The following ZNF423 variants were observed in gnomAD, a reference collection of about 807,000 sequenced individuals.
ZNF423 encodes the protein zinc finger protein 423, also known as Ebf-associated zinc finger protein.
ZNF423 carries 12 observed loss-of-function variants against 95.8 expected under a neutral mutation model. The ratio of observed to expected loss-of-function variants is 0.13; its 90% CI spans 0.08 to 0.20. The LOEUF (loss-of-function observed/expected upper bound fraction) is 0.20. ZNF423 is among the 10% of genes least tolerant of loss of function. The probability of loss-of-function intolerance (pLI) is 1.00; values close to 1 mark genes in which losing one functional copy is unlikely to be tolerated. For missense variants in ZNF423, 1,316 were observed against 1,737.1 expected, an observed-to-expected ratio of 0.76 and a Z score of 4.31; for synonymous variants, 749 against 711.9, an observed-to-expected ratio of 1.05 and a Z score of -0.83.
chr16:49,679,240 G>A (rs775088517), intron 3 of ZNF423, among the ~76,000 whole-genome samples: 5 of 152,286 alleles, frequency 3.3e-5, no homozygotes, highest in Admixed American at 2.6e-4. Context: ...GATGCCAGCT[G>A]CAGTTGGGGA....
At chr16:49,757,746 G>A (rs2033753565) in intron 2 of ZNF423, among the ~76,000 whole-genome samples, 6 of 152,098 alleles carry the variant, frequency 3.9e-5, no homozygotes, top group African/African-American at 7.2e-5. Context: ...AACACCCCAC[G>A]TGCCCTGGAC....
At chr16:49,534,277 C>T (rs1053076052) in intron 5 of ZNF423, among the ~76,000 whole-genome samples, 10 of 150,140 alleles carry the variant, frequency 6.7e-5, no homozygotes, top group African/African-American at 2.2e-4. Context: ...CTTTTGAGAC[C>T]GAGTTTCACT....
At chr16:49,649,660 CACACACA>C (rs374935138) in intron 3 of ZNF423, among the ~76,000 whole-genome samples, 31,244 of 132,580 alleles carry the variant, frequency 0.24, 3,318 homozygotes, top group Admixed American at 0.27. Context: ...CACACACACA[CACACACA>C]CAGGGAGAGA....
At chr16:49,558,192 G>A (rs949346302) in intron 5 of ZNF423, among the ~76,000 whole-genome samples, 3 of 152,194 alleles carry the variant, frequency 2.0e-5, no homozygotes, top group African/African-American at 7.2e-5. Flanking sequence ...AGCTTGTGGG[G>A]CCCCAGACCC....
At position 49,491,159 on chromosome 16, in the gene ZNF423, T is replaced by C; in HGVS notation, c.*116A>G. 1 of 1,254,504 alleles carries C rather than the reference T, an allele frequency of 8.0e-7. No homozygotes were observed. The highest frequency in any genetic ancestry group is 1.2e-6 in the Non-Finnish European group (1 of 855,930). 77.7% of individuals were successfully genotyped at this position (1,254,504 alleles called of 1,614,324 possible). A position where few individuals can be genotyped will look rare whatever the true frequency, so the allele number is the denominator to read the frequency against. On this transcript the variant is annotated 3_prime_UTR_variant, in exon 8 of 8. Transcript: ENST00000563137. ...TAGCAGCGCCTCATGGCCAAATCAT[T>C]AGAGTTTTACATCTGGGTTGCAAAT...
At chr16:49,545,253 A>G (rs1392489782) in intron 5 of ZNF423, among the ~76,000 whole-genome samples, 2 of 152,238 alleles carry the variant, frequency 1.3e-5, no homozygotes, top group Non-Finnish European at 2.9e-5. Context: ...GCTTCTAAGT[A>G]TCAAGTTGAA....
chr16:49,573,806 C>G (rs1970417713), intron 5 of ZNF423, among the ~76,000 whole-genome samples: 1 of 152,196 alleles, frequency 6.6e-6, no homozygotes, highest in Non-Finnish European at 1.5e-5. Context: ...CAGCTGATTA[C>G]CAATTCCAGT....
chr16:49,697,155 G>A (rs185388645), intron 3 of ZNF423, among the ~76,000 whole-genome samples: 2 of 152,270 alleles, frequency 1.3e-5, no homozygotes, highest in African/African-American at 4.8e-5. Context: ...CCTCACCAAG[G>A]TGGGATGGAG....
At position 49,796,656 on chromosome 16, in the gene ZNF423, C is replaced by T. The variant is rs188493320; in HGVS notation, c.41-7110G>A. Among the ~76,000 whole-genome samples, 5 of 152,270 alleles carry T rather than the reference C, an allele frequency of 3.3e-5. No individual in the cohort carries two copies. In the East Asian group the frequency reaches 9.7e-4, roughly 29 times the overall value. The stretch of plus-strand genomic sequence containing the variant: ...TGGCAGGAGGTGAATGAGAGACAAA[C>T]AGAGGCTAGTGCTGGTCCAAGGGTC... On this transcript the variant is annotated intron_variant, in intron 1 of 7. Transcript: ENST00000563137.
At chr16:49,704,304 C>T (rs546244717) in intron 3 of ZNF423, among the ~76,000 whole-genome samples, 6 of 152,242 alleles carry the variant, frequency 3.9e-5, no homozygotes, top group African/African-American at 1.4e-4. Flanking sequence ...CTAAGCATGC[C>T]ACACCTATAA....
Position 49,660,030 on chromosome 16 carries a change from C to T in ZNF423, c.302-21156G>A, listed in dbSNP as rs972681188. On this transcript the variant is annotated intron_variant, in intron 3 of 7. Coordinates refer to ENST00000563137, the MANE Select transcript of ZNF423 (RefSeq NM_001379286.1). ...TTCCTCCTCCTCCACCCGCAATATA[C>T]CTCTCAACCACTTCCCTTATGCTTT... Among the ~76,000 whole-genome samples, 3 of 152,220 alleles carry T rather than the reference C, an allele frequency of 2.0e-5. No homozygotes were observed. In the East Asian group the frequency reaches 5.8e-4, roughly 29 times the overall value.
intron 3 of ZNF423, among the ~76,000 whole-genome samples, chr16:49,718,239 G>A (rs1394805874): frequency 6.6e-6 from 1 of 152,094 alleles, no homozygotes; most frequent in Non-Finnish European, 1.5e-5. Context: ...GGCCAACATG[G>A]TAAAACCCCT....
rs78654374 is a variant in ZNF423, at chr16:49,719,003, G to A, written c.301+11768C>T. ...AAATCAGGTCAGGATCCCAGCTGGA[G>A]GCTATTCCTATCCTCACCCACAGGC... is the stretch of plus-strand genomic sequence containing the variant. On this transcript the variant is annotated intron_variant, in intron 3 of 7. Transcript: ENST00000563137. Among the ~76,000 whole-genome samples the A allele has an allele frequency of 3.9e-3, 595 of 152,310 alleles. 5 individuals carry two copies. The highest frequency in any genetic ancestry group is 0.01 in the Middle Eastern group (3 of 294).
intron 2 of ZNF423, among the ~76,000 whole-genome samples, chr16:49,746,629 C>T (rs1051738235): frequency 1.3e-5 from 2 of 152,192 alleles, no homozygotes; most frequent in Middle Eastern, 6.8e-3. Context: ...AGGCACCCAC[C>T]ACCACACCTG....
At chr16:49,738,847 C>A (rs149517970) in intron 2 of ZNF423, among the ~76,000 whole-genome samples, 1 of 152,054 alleles carries the variant, frequency 6.6e-6, no homozygotes, top group Non-Finnish European at 1.5e-5. Context: ...AAAGCAGAAC[C>A]ACCAGGCGCC....
intron 4 of ZNF423, among the ~76,000 whole-genome samples, chr16:49,633,269 T>C (rs1313136428): frequency 6.6e-6 from 1 of 152,226 alleles, no homozygotes; most frequent in Non-Finnish European, 1.5e-5. Context: ...TCAATGAGTG[T>C]GGATTGCCAT....
chr16:49,591,229 G>T (rs1971001997), intron 5 of ZNF423, among the ~76,000 whole-genome samples: 1 of 151,942 alleles, frequency 6.6e-6, no homozygotes. Context: ...ACCAAGCCAA[G>T]TGTACAAAAA....
chr16:49,677,352 AGGGGAGGG>A (rs2031149188), intron 3 of ZNF423, among the ~76,000 whole-genome samples: 1 of 9,618 alleles, frequency 1.0e-4, no homozygotes, highest in Non-Finnish European at 1.8e-4. Context: ...GGAGGAGGGG[AGGGGAGGG>A]AAGGGGAGGG....
chr16:49,789,632 T>G, intron 1 of ZNF423, 86 bp from the exon 2 acceptor site: 1 of 1,322,812 alleles, frequency 7.6e-7, no homozygotes, highest in Non-Finnish European at 1.0e-6. Flanking sequence ...AGAAGGAACA[T>G]TTGTGGGGGT....
Sources: allele counts gnomAD v4.1 joint callset (sites outside exome capture counted in the v4.1 genomes callset), GRCh38; gene constraint gnomAD v4.1.1; transcripts MANE v1.5; gene names NCBI Gene and HGNC (gene_info 2026-07-23, HGNC 2026-07-21).